The following CD8B2 variants were observed in gnomAD, a reference collection of about 807,000 sequenced individuals.
The protein encoded by CD8B2 is CD8B family member 2, also known as T-cell surface glycoprotein CD8 beta-2 chain.
Under a neutral mutation model 23.7 loss-of-function variants are expected in CD8B2, and 11 were observed. The ratio of observed to expected loss-of-function variants is 0.46; its 90% CI spans 0.29 to 0.77. The LOEUF is 0.77. Ranked by LOEUF, CD8B2 falls within the 30% of genes least tolerant of loss-of-function variation. CD8B2 has a pLI of 0.09. For synonymous variants in CD8B2, 90 were observed against 109.3 expected, an observed-to-expected ratio of 0.82 and a Z score of 1.10; for missense variants, 197 against 270.5, an observed-to-expected ratio of 0.73 and a Z score of 1.91.
intron 5 of CD8B2, among the ~76,000 whole-genome samples, chr2:106,532,802 T>C (rs1680007990): frequency 1.3e-5 from 2 of 152,334 alleles, no homozygotes; most frequent in South Asian, 4.1e-4. Flanking sequence ...TTGGCTGGCT[T>C]CTTTACTGCA....
rs1042534883 is a variant in CD8B2, at chr2:106,521,229, C to T, written c.620+16904C>T. Among the ~76,000 whole-genome samples, 8 of 152,192 alleles carry T rather than the reference C, an allele frequency of 5.3e-5. No homozygotes were observed. In the South Asian group the frequency reaches 1.2e-3, roughly 24 times the overall value. On this transcript the variant is annotated intron_variant, in intron 5 of 5. Coordinates refer to the CD8B2 transcript ENST00000416057. ...GAGAAGCTGGCCACCACACTCTAAT[C>T]GTATTATGCAATGGAGCCTTCCACT... is the stretch of plus-strand genomic sequence containing the variant.
intron 5 of CD8B2, among the ~76,000 whole-genome samples, chr2:106,527,401 T>C (rs1679921279): frequency 6.6e-6 from 1 of 152,228 alleles, no homozygotes; most frequent in African/African-American, 2.4e-5. Context: ...TCCAGATTGA[T>C]TTTTTCTGAA....
At chr2:106,520,902 T>G (rs1260044959) in intron 5 of CD8B2, among the ~76,000 whole-genome samples, 1 of 15,552 alleles carries the variant, frequency 6.4e-5, no homozygotes, top group Non-Finnish European at 1.5e-4. Flanking sequence ...AGCAGAGGTT[T>G]AAATAGGCAA....
In CD8B2 at chr2:106,508,489, A is replaced by C. The variant is rs1461521730; in HGVS notation, c.*1549A>C. On this transcript the variant is annotated 3_prime_UTR_variant, in exon 6 of 6. Transcript: ENST00000643224. Reference sequence around the variant, plus strand: ...TACCGGAAGGAGGGCCTTGAGTGTAAGTTGTCCAGGTCCTTGGCATTTTGA... The same window carrying C: ...TACCGGAAGGAGGGCCTTGAGTGTACGTTGTCCAGGTCCTTGGCATTTTGA... 6.6e-6 allele frequency: 1 copy of C among 152,084 alleles called. No homozygotes were observed. The highest frequency in any genetic ancestry group is 1.5e-5 in the Non-Finnish European group (1 of 68,024). The allele number at this position is 152,084 out of a possible 1,614,324, so 9.4% of individuals were successfully genotyped here. A position where few individuals can be genotyped will look rare whatever the true frequency, so the allele number is the denominator to read the frequency against.
intron 2 of CD8B2, among the ~76,000 whole-genome samples, chr2:106,493,631 G>T (rs1271743824): frequency 2.0e-5 from 3 of 152,310 alleles, no homozygotes; most frequent in South Asian, 4.1e-4. Context: ...CCCTGCTGAT[G>T]ACAGTTTCCT....
chr2:106,535,588 A>G (rs565843692), intron 5 of CD8B2, among the ~76,000 whole-genome samples: 6 of 152,284 alleles, frequency 3.9e-5, no homozygotes, highest in African/African-American at 1.2e-4. Flanking sequence ...ATACAATTTT[A>G]AAAATTCTTG....
chr2:106,544,218 T>A, exon 6 of CD8B2: 1 of 396,478 alleles, frequency 2.5e-6, no homozygotes, highest in East Asian at 3.6e-5. Flanking sequence ...TACCAACAAG[T>A]TTTTAGTTAT....
rs539764437 is a variant in CD8B2 at position 106,508,776 on chromosome 2, C to G, written c.*1836C>G. ...GCCCTATGCGGATGAAGGGATGGCCCGTGCTTGGTCTGTGGTCAATCCAGG... is the reference window on the plus strand; with the variant it reads ...GCCCTATGCGGATGAAGGGATGGCCGGTGCTTGGTCTGTGGTCAATCCAGG... On this transcript the variant is annotated 3_prime_UTR_variant, in exon 6 of 6. Transcript: ENST00000643224. The G allele has an allele frequency of 6.6e-6, 1 of 152,174 alleles. No homozygotes were observed. Among genetic ancestry groups the G allele is most frequent in the African/African-American group, 2.4e-5 (1 of 41,430 alleles). 9.4% of individuals were successfully genotyped at this position (152,174 alleles called of 1,614,324 possible). A position where few individuals can be genotyped will look rare whatever the true frequency, so the allele number is the denominator to read the frequency against.
chr2:106,532,699 C>T (rs1178075780), intron 5 of CD8B2, among the ~76,000 whole-genome samples: 1 of 152,178 alleles, frequency 6.6e-6, no homozygotes, highest in African/African-American at 2.4e-5. Context: ...CTGGCATTGC[C>T]ATGGCATCTG....
At chr2:106,496,454 A>G (rs1489623143) in intron 3 of CD8B2, among the ~76,000 whole-genome samples, 192 bp downstream of exon 3, 2 of 152,126 alleles carry the variant, frequency 1.3e-5, no homozygotes, top group African/African-American at 4.8e-5. Context: ...AGACTCGTAA[A>G]TTGTTACTGG....
chr2:106,488,691 A>G (rs1257596393), intron 1 of CD8B2, among the ~76,000 whole-genome samples: 2 of 152,174 alleles, frequency 1.3e-5, no homozygotes, highest in African/African-American at 4.8e-5. Flanking sequence ...TCACTGTGTG[A>G]CCTTGAGCAC....
At chr2:106,493,091 G>C (rs1231040496) in intron 2 of CD8B2, among the ~76,000 whole-genome samples, 1 of 152,064 alleles carries the variant, frequency 6.6e-6, no homozygotes, top group African/African-American at 2.4e-5. Context: ...ACCCCTCCCA[G>C]CACTACAGGA....
chr2:106,536,184 G>A (rs1000966473), intron 5 of CD8B2, among the ~76,000 whole-genome samples: 1 of 152,042 alleles, frequency 6.6e-6, no homozygotes, highest in Non-Finnish European at 1.5e-5. Context: ...ACAGGCAAGT[G>A]CCACTGTGCC....
chr2:106,495,985 GA>G (rs1166153236), intron 2 of CD8B2, among the ~76,000 whole-genome samples, 187 bp from the exon 3 acceptor site: 1 of 151,948 alleles, frequency 6.6e-6, no homozygotes, highest in Non-Finnish European at 1.5e-5. Flanking sequence ...TTTTTGTAGA[GA>G]GGGGGTTTCA....
At position 106,507,283 on chromosome 2, in the gene CD8B2, G is replaced by A; in HGVS notation, c.*343G>A. The A allele has an allele frequency of 5.4e-6, 6 of 1,101,964 alleles. No individual in the cohort carries two copies. Among genetic ancestry groups the A allele is most frequent in the Non-Finnish European group, 6.6e-6 (6 of 904,212 alleles). 68.3% of individuals were successfully genotyped at this position (1,101,964 alleles called of 1,614,324 possible). The stretch of plus-strand genomic sequence containing the variant: ...TGGTGGCCGTTTAGCCACCATCTTT[G>A]CAAGTTGCTTTGCCCTGGTAGGGCA... On this transcript the variant is annotated 3_prime_UTR_variant, in exon 6 of 6. Coordinates refer to ENST00000643224, the MANE Select transcript of CD8B2 (RefSeq NM_001349727.2).
intron 5 of CD8B2, among the ~76,000 whole-genome samples, chr2:106,543,628 A>G (rs1680210833): frequency 6.6e-6 from 1 of 152,172 alleles, no homozygotes; most frequent in Non-Finnish European, 1.5e-5. Flanking sequence ...AGCCTGGGTA[A>G]CAGGGCGAGA....
intron 3 of CD8B2, among the ~76,000 whole-genome samples, chr2:106,498,418 G>C (rs1558876595): frequency 6.6e-6 from 1 of 152,148 alleles, no homozygotes; most frequent in Non-Finnish European, 1.5e-5. Context: ...AAAGTGCTGG[G>C]ATTACAGGCG....
At chr2:106,488,729 C>A (rs1573325915) in intron 1 of CD8B2, among the ~76,000 whole-genome samples, 2 of 152,174 alleles carry the variant, frequency 1.3e-5, no homozygotes, top group African/African-American at 4.8e-5. Flanking sequence ...GTCTCTCTTT[C>A]CTCATGGATA....
chr2:106,506,153 G>A (rs1371417863), intron 5 of CD8B2, among the ~76,000 whole-genome samples: 1 of 151,832 alleles, frequency 6.6e-6, no homozygotes, highest in Admixed American at 6.6e-5. Flanking sequence ...AAAAAAGAAA[G>A]TTCCGTTCAA....
Sources: allele counts gnomAD v4.1 joint callset (sites outside exome capture counted in the v4.1 genomes callset), GRCh38; gene constraint gnomAD v4.1.1; transcripts MANE v1.5; gene names NCBI Gene and HGNC (gene_info 2026-07-23, HGNC 2026-07-21).